Variants in HDGFL3 observed in about 807,000 individuals in gnomAD.
HDGFL3 encodes HDGF like 3.
In HDGFL3, 6 loss-of-function variants were observed where a neutral mutation model predicts 27.6. That is an observed-to-expected ratio of 0.22 (90% CI 0.12 to 0.43). The LOEUF (loss-of-function observed/expected upper bound fraction) is 0.43. Among genes scored for constraint, HDGFL3 ranks in the 20% least tolerant of loss-of-function variants. The pLI is 1.00. For synonymous variants in HDGFL3, 88 were observed against 88.9 expected (o/e 0.99, Z 0.05); for missense variants, 207 against 250.1 (o/e 0.83, Z 1.16).
downstream of HDGFL3, chr15:83,126,668 G>C (rs1395316502): frequency 1.9e-5 from 20 of 1,041,342 alleles, no homozygotes; most frequent in Non-Finnish European, 2.9e-5. Flanking sequence ...AGCAGCTTGT[G>C]ACTAAACCTG....
chr15:83,172,217 G>C (rs898130164), intron 1 of HDGFL3, among the ~76,000 whole-genome samples: 4 of 152,190 alleles, frequency 2.6e-5, no homozygotes, highest in Non-Finnish European at 4.4e-5. Flanking sequence ...GCTGGACAGA[G>C]ACAGAAAGAA....
chr15:83,163,168 AAG>A (rs2151405100), intron 2 of HDGFL3, among the ~76,000 whole-genome samples: 1 of 152,362 alleles, frequency 6.6e-6, no homozygotes, highest in East Asian at 1.9e-4. Context: ...ACTGAACAAA[AAG>A]AAGTTAGTTG....
chr15:83,118,695 A>G (rs765610352), intron 3 of HDGFL3, among the ~76,000 whole-genome samples: 13 of 152,138 alleles, frequency 8.5e-5, no homozygotes, highest in Non-Finnish European at 1.8e-4. Context: ...TTGTTGTAGA[A>G]AGGACTTAAG....
chr15:83,159,246 C>T (rs1206274125), intron 2 of HDGFL3, among the ~76,000 whole-genome samples: 2 of 152,070 alleles, frequency 1.3e-5, no homozygotes, highest in Non-Finnish European at 2.9e-5. Context: ...AAACCACATC[C>T]TAAATTAATC....
In HDGFL3 at chr15:83,207,656, C is replaced by T. The variant is rs1185569458; in HGVS notation, c.-242G>A. 5 of 167,820 alleles carry T rather than the reference C, an allele frequency of 3.0e-5. No individual in the cohort carries two copies. The highest frequency in any genetic ancestry group is 9.8e-5 in the African/African-American group (4 of 40,976). 10.4% of individuals were successfully genotyped at this position (167,820 alleles called of 1,614,324 possible). A position where few individuals can be genotyped will look rare whatever the true frequency, so the allele number is the denominator to read the frequency against. On this transcript the variant is annotated 5_prime_UTR_variant, in exon 1 of 6. Transcript: ENST00000299633. The surrounding 1 kb of genome is among the most constrained non-coding windows in gnomAD (Gnocchi z 4.8). ...GGGGAGCCCCCGGCCGTTCGGCGCT[C>T]GCCCGCGTCCGGCCGCGCCAAGGTC...
At chr15:83,123,294 T>C (rs1246861046), downstream of HDGFL3, among the ~76,000 whole-genome samples, 2 of 152,064 alleles carry the variant, frequency 1.3e-5, no homozygotes, top group Non-Finnish European at 2.9e-5. Context: ...CTCCTCAAGG[T>C]AGTCTACACA....
At chr15:83,175,298 T>C (rs904555513) in intron 1 of HDGFL3, among the ~76,000 whole-genome samples, 1 of 152,210 alleles carries the variant, frequency 6.6e-6, no homozygotes, top group Non-Finnish European at 1.5e-5. Context: ...GAATTTAATG[T>C]TTTGACATGC....
intron 1 of HDGFL3, chr15:83,169,120 A>AAAT: frequency 3.1e-6 from 1 of 320,490 alleles, no homozygotes; most frequent in Non-Finnish European, 6.3e-6. Flanking sequence ...ACATATCTCA[A>AAAT]AATAAGAGCC....
At chr15:83,190,682 A>G (rs1230354407) in intron 1 of HDGFL3, among the ~76,000 whole-genome samples, 2 of 151,936 alleles carry the variant, frequency 1.3e-5, no homozygotes, top group Non-Finnish European at 2.9e-5. Flanking sequence ...TATTGGTTCT[A>G]TGTATGGTAA....
At chr15:83,165,368 A>G (rs1311327880) in intron 1 of HDGFL3, among the ~76,000 whole-genome samples, 1 of 152,188 alleles carries the variant, frequency 6.6e-6, no homozygotes, top group Non-Finnish European at 1.5e-5. Flanking sequence ...CAGCATACAG[A>G]GTTGCTGTGA....
intron 5 of HDGFL3, among the ~76,000 whole-genome samples, chr15:83,146,048 C>T (rs2036887012): frequency 6.6e-6 from 1 of 151,298 alleles, no homozygotes; most frequent in Admixed American, 6.6e-5. Flanking sequence ...GTACCTGTGA[C>T]TACAAGTGTG....
chr15:83,205,938 A>G (rs2037710281), intron 1 of HDGFL3, among the ~76,000 whole-genome samples: 1 of 152,236 alleles, frequency 6.6e-6, no homozygotes, highest in Non-Finnish European at 1.5e-5. Context: ...TGGAACCTGA[A>G]TAAGACTGTT....
At chr15:83,197,104 C>A (rs1035556078) in intron 1 of HDGFL3, among the ~76,000 whole-genome samples, 1 of 152,142 alleles carries the variant, frequency 6.6e-6, no homozygotes, top group African/African-American at 2.4e-5. Flanking sequence ...GTACTCAAAA[C>A]GAAGAATGGA....
rs1366942362 is a variant in HDGFL3 at position 83,139,019 on chromosome 15, C to G, written c.*251G>C. The G allele has an allele frequency of 1.6e-5, 5 of 304,300 alleles. No homozygotes were observed. The highest frequency in any genetic ancestry group is 5.2e-5 in the Admixed American group (1 of 19,386). 18.8% of individuals were successfully genotyped at this position (304,300 alleles called of 1,614,324 possible). A position where few individuals can be genotyped will look rare whatever the true frequency, so the allele number is the denominator to read the frequency against. ...AAGTCTGCGCAAAAATCTTGATAAT[C>G]CTTAGTGGTTAAGGGCAACTTCATG... On this transcript the variant is annotated 3_prime_UTR_variant, in exon 6 of 6. Coordinates refer to ENST00000299633, the MANE Select transcript of HDGFL3 (RefSeq NM_016073.4).
At chr15:83,163,052 G>T (rs895755230) in intron 2 of HDGFL3, among the ~76,000 whole-genome samples, 1 of 152,136 alleles carries the variant, frequency 6.6e-6, no homozygotes, top group Admixed American at 6.5e-5. Context: ...CTTGTAGCTA[G>T]ATGTGGCCAC....
rs192492325 is a variant in HDGFL3, at chr15:83,203,901, G to A, written c.84+3430C>T. On this transcript the variant is annotated intron_variant, in intron 1 of 5. Coordinates refer to ENST00000299633, the MANE Select transcript of HDGFL3 (RefSeq NM_016073.4). ...TATGCTCAAATTATTTTACCAACAG[G>A]GTACACAAACAAAAGCGATCAGAGA... Among the ~76,000 whole-genome samples the A allele has an allele frequency of 1.1e-3, 161 of 149,226 alleles. 1 individual carries two copies. Among genetic ancestry groups the A allele is most frequent in the East Asian group, 7.9e-3 (40 of 5,090 alleles).
intron 3 of HDGFL3, among the ~76,000 whole-genome samples, chr15:83,117,951 G>A (rs2034829775): frequency 6.6e-6 from 1 of 152,104 alleles, no homozygotes; most frequent in Non-Finnish European, 1.5e-5. Context: ...GAATTGCCGG[G>A]GTGACATCGT....
chr15:83,194,391 G>C (rs2037546136), intron 1 of HDGFL3, among the ~76,000 whole-genome samples: 1 of 152,102 alleles, frequency 6.6e-6, no homozygotes, highest in Admixed American at 6.5e-5. Context: ...TGATTGCCAG[G>C]GACTAGGAGG....
At chr15:83,168,441 A>G (rs932292639) in intron 1 of HDGFL3, among the ~76,000 whole-genome samples, 13 of 152,346 alleles carry the variant, frequency 8.5e-5, no homozygotes, top group African/African-American at 3.1e-4. Flanking sequence ...AGATCCAAAT[A>G]AGCACAATCG....
Sources: allele counts gnomAD v4.1 joint callset (sites outside exome capture counted in the v4.1 genomes callset), GRCh38; gene constraint gnomAD v4.1.1; non-coding constraint Gnocchi (gnomAD v3.1); transcripts MANE v1.5; gene names NCBI Gene and HGNC (gene_info 2026-07-23, HGNC 2026-07-21).